FRMD5: variants seen among roughly 807,000 people sequenced by gnomAD.
FRMD5 encodes FERM domain containing 5.
In FRMD5, 20 loss-of-function variants were observed where a neutral mutation model predicts 69.0. That is an observed-to-expected ratio of 0.29 (90% CI 0.20 to 0.42). The LOEUF (loss-of-function observed/expected upper bound fraction) is 0.42, where lower values mean the gene tolerates loss of function less well. FRMD5 is among the 10% of genes least tolerant of loss of function. The probability of loss-of-function intolerance (pLI) is 1.00; values close to 1 mark genes in which losing one functional copy is unlikely to be tolerated. For missense variants in FRMD5, 595 were observed against 708.6 expected (o/e 0.84, Z 1.82); for synonymous variants, 271 against 260.1 (o/e 1.04, Z -0.40).
At position 44,180,646 on chromosome 15, in the gene FRMD5, G is replaced by A. The variant is rs142685259; in HGVS notation, c.102+14307C>T. 6.8e-4 allele frequency among the ~76,000 whole-genome samples: 103 copies of A among 152,154 alleles called. 1 individual carries two copies. The East Asian group carries it at 0.014, about 21-fold the overall frequency. On this transcript the variant is annotated intron_variant, in intron 1 of 13. Coordinates refer to ENST00000417257, the MANE Select transcript of FRMD5 (RefSeq NM_032892.5). ...CTAAAAATACAAAAATTAGCCAGGC[G>A]TGGTGGTGGGCACCTTTAATCCCAG...
At chr15:43,943,584 G>T (rs1323906007) in intron 1 of FRMD5, among the ~76,000 whole-genome samples, 1 of 152,220 alleles carries the variant, frequency 6.6e-6, no homozygotes, top group Non-Finnish European at 1.5e-5. Context: ...TACTGGATTA[G>T]GGTAGACCTA....
At chr15:43,954,324 C>T (rs1173455362) in intron 1 of FRMD5, among the ~76,000 whole-genome samples, 3 of 152,188 alleles carry the variant, frequency 2.0e-5, no homozygotes, top group African/African-American at 7.2e-5. Flanking sequence ...AGCAGATGGG[C>T]AAGCTCATCA....
chr15:43,998,103 G>C (rs546685076), intron 1 of FRMD5, among the ~76,000 whole-genome samples: 1 of 152,224 alleles, frequency 6.6e-6, no homozygotes, highest in South Asian at 2.1e-4. Flanking sequence ...GTGGAACTAA[G>C]GTATTGTCAT....
At chr15:44,127,412 T>G (rs1476327082) in intron 1 of FRMD5, among the ~76,000 whole-genome samples, 1 of 152,194 alleles carries the variant, frequency 6.6e-6, no homozygotes, top group Non-Finnish European at 1.5e-5. Flanking sequence ...TTTTTTATTG[T>G]GAAGGTAGTA....
chr15:44,099,752 G>T (rs1390152231), intron 1 of FRMD5, among the ~76,000 whole-genome samples: 1 of 152,062 alleles, frequency 6.6e-6, no homozygotes, highest in Non-Finnish European at 1.5e-5. Flanking sequence ...CCAGCTCTGG[G>T]GTACTTTTAG....
chr15:44,088,597 C>T (rs910781673), intron 1 of FRMD5, among the ~76,000 whole-genome samples: 1 of 152,066 alleles, frequency 6.6e-6, no homozygotes, highest in Non-Finnish European at 1.5e-5. Flanking sequence ...TTCCTTCCCC[C>T]AAAACCTTGG....
chr15:44,031,247 C>A (rs2140284790), intron 1 of FRMD5, among the ~76,000 whole-genome samples: 1 of 152,080 alleles, frequency 6.6e-6, no homozygotes, highest in Middle Eastern at 3.4e-3. Flanking sequence ...CCCTCTTCCA[C>A]AGGGGAGAAA....
chr15:43,994,676 C>A (rs1235892016), intron 1 of FRMD5, among the ~76,000 whole-genome samples: 1 of 152,212 alleles, frequency 6.6e-6, no homozygotes, highest in Non-Finnish European at 1.5e-5. Context: ...AAGTGATCTA[C>A]CAACCTCAGC....
chr15:43,939,013 C>A (rs1000806472), intron 1 of FRMD5, among the ~76,000 whole-genome samples: 6 of 151,922 alleles, frequency 3.9e-5, no homozygotes, highest in African/African-American at 1.2e-4. Flanking sequence ...AAGCATGCAC[C>A]ACCACATCCG....
chr15:43,984,397 G>A (rs1595587695), intron 1 of FRMD5, among the ~76,000 whole-genome samples: 1 of 152,184 alleles, frequency 6.6e-6, no homozygotes, highest in African/African-American at 2.4e-5. Flanking sequence ...AGCCCCCAGT[G>A]GACAGCAGCT....
chr15:44,120,775 G>A (rs916340790), intron 1 of FRMD5, among the ~76,000 whole-genome samples: 8 of 151,566 alleles, frequency 5.3e-5, no homozygotes, highest in African/African-American at 4.8e-5. Flanking sequence ...TGATCCGCCC[G>A]TCTCAGCCTC....
Position 43,871,336 on chromosome 15 carries a change from A to G in FRMD5, c.*2549T>C, listed in dbSNP as rs2088155531. 3 of 152,256 alleles carry G rather than the reference A, an allele frequency of 2.0e-5. No homozygotes were observed. Among genetic ancestry groups the G allele is most frequent in the Non-Finnish European group, 4.4e-5 (3 of 68,042 alleles). The allele number at this position is 152,256 out of a possible 1,614,324, so 9.4% of individuals were successfully genotyped here. A position where few individuals can be genotyped will look rare whatever the true frequency, so the allele number is the denominator to read the frequency against. On this transcript the variant is annotated 3_prime_UTR_variant, in exon 14 of 14. Transcript: ENST00000417257. ...TAGACTACTGTACTGTTAGAACTCT[A>G]GACACAAGGAACATACTAGGATATG...
intron 6 of FRMD5, among the ~76,000 whole-genome samples, chr15:43,904,476 C>G (rs969100273): frequency 2.0e-5 from 3 of 152,106 alleles, no homozygotes; most frequent in African/African-American, 7.2e-5. Flanking sequence ...TCAAGTAATT[C>G]TCATGCCTCA....
intron 1 of FRMD5, among the ~76,000 whole-genome samples, chr15:43,955,236 G>A (rs1429199534): frequency 6.6e-6 from 1 of 152,102 alleles, no homozygotes; most frequent in African/African-American, 2.4e-5. Flanking sequence ...CCTCACCCTT[G>A]GAAAGTCACT....
chr15:44,091,256 A>C (rs1385864139), intron 1 of FRMD5, among the ~76,000 whole-genome samples: 1 of 152,180 alleles, frequency 6.6e-6, no homozygotes, highest in Non-Finnish European at 1.5e-5. Flanking sequence ...TTTGTGAAAC[A>C]AGCATTATGA....
At chr15:43,935,791 G>C (rs1169990448) in intron 1 of FRMD5, among the ~76,000 whole-genome samples, 1 of 152,104 alleles carries the variant, frequency 6.6e-6, no homozygotes, top group East Asian at 1.9e-4. Flanking sequence ...ACATTGGTTG[G>C]GATATTACTG....
chr15:43,888,449 A>G (rs2088715813), intron 9 of FRMD5, among the ~76,000 whole-genome samples, 183 bp from the exon 10 acceptor site: 1 of 152,214 alleles, frequency 6.6e-6, no homozygotes, highest in Admixed American at 6.5e-5. Context: ...GGCAAGTCCA[A>G]TCAGGGTAAG....
chr15:43,885,548 G>C (rs2088642136), intron 11 of FRMD5, 133 bp downstream of exon 11: 2 of 724,742 alleles, frequency 2.8e-6, no homozygotes, highest in Admixed American at 4.2e-5. Context: ...CATAAGATGG[G>C]AGAATTAGAT....
chr15:44,103,846 A>G (rs1223954561), intron 1 of FRMD5, among the ~76,000 whole-genome samples: 7 of 152,224 alleles, frequency 4.6e-5, no homozygotes, highest in Non-Finnish European at 8.8e-5. Context: ...AGGAAGCTGA[A>G]AATTCTTATT....
Sources: allele counts gnomAD v4.1 joint callset (sites outside exome capture counted in the v4.1 genomes callset), GRCh38; gene constraint gnomAD v4.1.1; transcripts MANE v1.5; gene names NCBI Gene and HGNC (gene_info 2026-07-23, HGNC 2026-07-21).